Variants in KCNU1 observed in about 807,000 individuals in gnomAD.
The protein encoded by KCNU1 is potassium calcium-activated channel subfamily U member 1, also known as potassium channel subfamily U member 1.
Under a neutral mutation model 126.8 loss-of-function variants are expected in KCNU1, and 93 were observed. The observed-to-expected ratio is 0.73, with a 90% confidence interval of 0.62 to 0.87. The LOEUF (loss-of-function observed/expected upper bound fraction) is 0.87, where lower values mean the gene tolerates loss of function less well. KCNU1 is among the 40% of genes least tolerant of loss of function. The pLI is 0.00. For missense variants in KCNU1, 1,330 were observed against 1,367.1 expected (o/e 0.97, Z 0.43); for synonymous variants, 523 against 494.2 (o/e 1.06, Z -0.77).
At chr8:36,828,199 A>G (rs887865892) in intron 10 of KCNU1, among the ~76,000 whole-genome samples, 1 of 152,138 alleles carries the variant, frequency 6.6e-6, no homozygotes, top group Non-Finnish European at 1.5e-5. Context: ...TGAGTGTTAG[A>G]AAATCAGGAT....
intron 21 of KCNU1, among the ~76,000 whole-genome samples, chr8:36,910,461 CT>C (rs943203340): frequency 4.0e-5 from 6 of 151,870 alleles, no homozygotes; most frequent in African/African-American, 1.5e-4. Flanking sequence ...AGATTGATCT[CT>C]GTTTTTCCAC....
intron 19 of KCNU1, among the ~76,000 whole-genome samples, chr8:36,900,857 A>G (rs1807389628): frequency 6.6e-6 from 1 of 152,038 alleles, no homozygotes; most frequent in South Asian, 2.1e-4. Context: ...TGGACACACA[A>G]ATGCTTTTCC....
chr8:36,933,975 G>A (rs1171715425), intron 26 of KCNU1, among the ~76,000 whole-genome samples: 1 of 152,052 alleles, frequency 6.6e-6, no homozygotes, highest in Admixed American at 6.6e-5. Context: ...GGAAGAGGAG[G>A]CTTACTGTGG....
At position 36,845,602 on chromosome 8, in the gene KCNU1, C is replaced by G. The variant is rs61744028; in HGVS notation, c.1726C>G (p.Pro576Ala). 7 of 1,608,240 alleles carry G rather than the reference C, an allele frequency of 4.4e-6. No individual in the cohort carries two copies. In the East Asian group the frequency reaches 1.6e-4, roughly 36 times the overall value. Residue 576 changes from proline to alanine, a missense_variant, in exon 17 of 27, where the codon CCA becomes GCA. By Grantham distance (27) the Pro-to-Ala change is conservative. Around this residue, in one of 3 missense-constraint regions of KCNU1, gnomAD observed 1,054 missense variants for 1,053.9 expected, o/e 1.00. Coordinates refer to ENST00000399881, the MANE Select transcript of KCNU1 (RefSeq NM_001031836.3). ...CAGTGGTCTGATACTAAATCCACCT[C>G]CACAAGTGAGGATACGTAAGAACAC... ...GFCGLILNPP[P>A]QVRIRKNTLG... is the part of the protein sequence containing the mutation.
intron 16 of KCNU1, among the ~76,000 whole-genome samples, chr8:36,843,360 C>A (rs528856096): frequency 1.3e-5 from 2 of 152,278 alleles, no homozygotes; most frequent in African/African-American, 4.8e-5. Context: ...TCTGATTTGG[C>A]AAATGTATTG....
chr8:36,792,086 A>T (rs1585376666), intron 2 of KCNU1, among the ~76,000 whole-genome samples: 1 of 152,156 alleles, frequency 6.6e-6, no homozygotes. Context: ...CTGATCATTT[A>T]CGGATATTAT....
chr8:36,834,645 C>T (rs1804679333), intron 11 of KCNU1, 141 bp from the exon 12 acceptor site: 1 of 593,392 alleles, frequency 1.7e-6, no homozygotes, highest in Non-Finnish European at 3.0e-6. Context: ...GTAAAGACAT[C>T]CTCATTACAA....
At chr8:36,869,192 C>G (rs1806013615) in intron 19 of KCNU1, among the ~76,000 whole-genome samples, 1 of 152,116 alleles carries the variant, frequency 6.6e-6, no homozygotes, top group Admixed American at 6.6e-5. Context: ...CGAATAATCT[C>G]AAGTGAGTAG....
chr8:36,804,490 A>G (rs1185754171), intron 3 of KCNU1, among the ~76,000 whole-genome samples: 4 of 152,200 alleles, frequency 2.6e-5, no homozygotes, highest in African/African-American at 9.7e-5. Context: ...GTTTCAAGCA[A>G]CTTCGGATGG....
intron 19 of KCNU1, among the ~76,000 whole-genome samples, chr8:36,899,656 T>C (rs1482031997): frequency 2.6e-5 from 4 of 152,120 alleles, no homozygotes; most frequent in African/African-American, 9.7e-5. Flanking sequence ...GAAGAATACA[T>C]AGCCTGTTTA....
chr8:36,909,213 A>C, intron 20 of KCNU1, 98 bp from the exon 21 acceptor site: 1 of 753,774 alleles, frequency 1.3e-6, no homozygotes, highest in South Asian at 1.6e-5. Flanking sequence ...AGAGCTGTGG[A>C]TGTACCTAGA....
Position 36,787,462 on chromosome 8 carries a change from T to G in KCNU1, c.315+37T>G, listed in dbSNP as rs116151378. On this transcript the variant is annotated intron_variant, in intron 2 of 26. Transcript: ENST00000399881. ...TTCAGTGTTAGCTTGCTAACAAACT[T>G]TAGCCATAGGTGTGATTATAGTCAG... 716 of 1,570,760 alleles carry G rather than the reference T, an allele frequency of 4.6e-4. 8 individuals carry two copies. The African/African-American group carries it at 6.3e-3, about 14-fold the overall frequency.
chr8:36,911,859 A>G (rs1041226381), intron 22 of KCNU1, among the ~76,000 whole-genome samples: 4 of 152,186 alleles, frequency 2.6e-5, no homozygotes, highest in Admixed American at 6.5e-5. Context: ...AAATGTGCCT[A>G]TGGTCAATTC....
At position 36,831,622 on chromosome 8, in the gene KCNU1, T is replaced by C. The variant is rs868089762; in HGVS notation, c.1107-1932T>C. 2.1e-3 allele frequency among the ~76,000 whole-genome samples: 315 copies of C among 148,012 alleles called. 5 individuals carry two copies. Among genetic ancestry groups the C allele is most frequent in the African/African-American group, 7.4e-3 (296 of 39,812 alleles). The stretch of plus-strand genomic sequence containing the variant: ...GATGGGGTTGTTTGTTTTTTTCTTG[T>C]AAATTTGTTTGAGTTCATTGTAGAT... On this transcript the variant is annotated intron_variant, in intron 10 of 26. Transcript: ENST00000399881.
intron 19 of KCNU1, chr8:36,888,555 G>T (rs1470762421): frequency 1.9e-6 from 1 of 533,578 alleles, no homozygotes; most frequent in Non-Finnish European, 3.9e-6. Context: ...ATCACAAATG[G>T]GCTGTGCCTG....
chr8:36,857,676 T>C lies in KCNU1; in HGVS notation c.1892-6728T>C, dbSNP rs143595733. Among the ~76,000 whole-genome samples, 699 of 152,246 alleles carry C rather than the reference T, an allele frequency of 4.6e-3. 8 individuals carry two copies. Among genetic ancestry groups the C allele is most frequent in the African/African-American group, 0.016 (660 of 41,554 alleles). On this transcript the variant is annotated intron_variant, in intron 18 of 26. Transcript: ENST00000399881. ...TGTTGTTGTTGTTGAGAAGGAGTCT[T>C]GCTCTGTTCCACAGGCTGGAGTGGA...
intron 19 of KCNU1, among the ~76,000 whole-genome samples, chr8:36,903,940 C>A (rs1394096840): frequency 1.3e-5 from 2 of 152,118 alleles, no homozygotes; most frequent in Non-Finnish European, 2.9e-5. Flanking sequence ...CGAGGGTAAC[C>A]ATCCCCATTA....
chr8:36,832,109 C>T (rs556462692), intron 10 of KCNU1, among the ~76,000 whole-genome samples: 5 of 152,248 alleles, frequency 3.3e-5, no homozygotes, highest in African/African-American at 1.2e-4. Flanking sequence ...TGTTCTGTTC[C>T]ATTGATCTAT....
intron 9 of KCNU1, 105 bp from the exon 10 acceptor site, chr8:36,817,545 A>G (rs1803963842): frequency 1.7e-6 from 1 of 595,056 alleles, no homozygotes; most frequent in Admixed American, 2.6e-5. Flanking sequence ...TGCAAATACC[A>G]TATTTATTGG....
Sources: gnomAD v4.1 joint callset for allele counts (sites outside exome capture counted in the v4.1 genomes callset) on GRCh38, gnomAD v4.1.1 for gene constraint, gnomAD v4.1.1 regional missense constraint, MANE v1.5 for transcripts, NCBI Gene and HGNC (gene_info 2026-07-23, HGNC 2026-07-21) for gene names.